SIPA1L1: variants seen among roughly 807,000 people sequenced by gnomAD.
SIPA1L1 encodes the protein signal induced proliferation associated 1 like 1.
SIPA1L1 carries 26 observed loss-of-function variants against 162.7 expected under a neutral mutation model. The ratio of observed to expected loss-of-function variants is 0.16; its 90% CI spans 0.12 to 0.22. SIPA1L1 has a LOEUF of 0.22. Ranked by LOEUF, SIPA1L1 falls within the 10% of genes least tolerant of loss-of-function variation. The pLI is 1.00. For missense variants in SIPA1L1, 1,874 were observed against 2,241.0 expected, an observed-to-expected ratio of 0.84 and a Z score of 3.31; for synonymous variants, 829 against 837.4, an observed-to-expected ratio of 0.99 and a Z score of 0.17.
intron 4 of SIPA1L1, among the ~76,000 whole-genome samples, chr14:71,540,690 T>G (rs1037626382): frequency 1.3e-5 from 2 of 152,090 alleles, no homozygotes. Context: ...CTGACTCTTG[T>G]TAGAACAGAA....
intron 5 of SIPA1L1, among the ~76,000 whole-genome samples, chr14:71,617,470 C>G (rs916490558): frequency 6.6e-6 from 1 of 152,148 alleles, no homozygotes; most frequent in African/African-American, 2.4e-5. Flanking sequence ...ATGTTTGTTG[C>G]TTGTATTCCC....
At chr14:71,419,749 G>A (rs576387807) in intron 2 of SIPA1L1, among the ~76,000 whole-genome samples, 1 of 151,774 alleles carries the variant, frequency 6.6e-6, no homozygotes, top group South Asian at 2.1e-4. Context: ...CACCTGCCTC[G>A]GCCTCCCAAA....
Position 71,441,201 on chromosome 14 carries a change from T to C in SIPA1L1, c.-464-71542T>C, listed in dbSNP as rs924542284. ...TGAATAATGGAATTTCTGCAACTTATTTTACATACACAGCCTCTTAAGTCT... is the reference window on the plus strand; with the variant it reads ...TGAATAATGGAATTTCTGCAACTTACTTTACATACACAGCCTCTTAAGTCT... On this transcript the variant is annotated intron_variant, in intron 2 of 23. Transcript: ENST00000381232. 2.0e-5 allele frequency among the ~76,000 whole-genome samples: 3 copies of C among 152,344 alleles called. No individual in the cohort carries two copies. The South Asian group carries it at 6.2e-4, about 32-fold the overall frequency.
intron 4 of SIPA1L1, among the ~76,000 whole-genome samples, chr14:71,550,665 A>T (rs2055727405): frequency 6.6e-6 from 1 of 152,030 alleles, no homozygotes; most frequent in Non-Finnish European, 1.5e-5. Context: ...TATCCTCTGT[A>T]TGCCTCTCTT....
intron 2 of SIPA1L1, among the ~76,000 whole-genome samples, chr14:71,482,848 A>G (rs1474068735): frequency 6.6e-6 from 1 of 152,158 alleles, no homozygotes; most frequent in Admixed American, 6.6e-5. Flanking sequence ...CCCGTAAGGA[A>G]TTGAGGAATG....
At chr14:71,376,996 A>G (rs2039433918) in intron 2 of SIPA1L1, among the ~76,000 whole-genome samples, 1 of 152,158 alleles carries the variant, frequency 6.6e-6, no homozygotes, top group Non-Finnish European at 1.5e-5. Context: ...CCCCCTTTCT[A>G]TTCGACAAAA....
intron 2 of SIPA1L1, among the ~76,000 whole-genome samples, chr14:71,340,083 C>T (rs187720242): frequency 6.6e-6 from 1 of 152,284 alleles, no homozygotes; most frequent in East Asian, 1.9e-4. Flanking sequence ...TGACCACCAC[C>T]CTGTTAAACT....
At chr14:71,392,300 T>G (rs942282504) in intron 2 of SIPA1L1, among the ~76,000 whole-genome samples, 3 of 152,198 alleles carry the variant, frequency 2.0e-5, no homozygotes, top group African/African-American at 7.2e-5. Context: ...GATCGCTTTC[T>G]TCTCACTCGC....
At chr14:71,355,776 G>T (rs1040633711) in intron 2 of SIPA1L1, among the ~76,000 whole-genome samples, 8 of 152,300 alleles carry the variant, frequency 5.3e-5, no homozygotes, top group African/African-American at 7.2e-5. Context: ...TTGAAACAAA[G>T]AATTCTTGGC....
At chr14:71,717,156 C>T (rs1222319159) in intron 17 of SIPA1L1, among the ~76,000 whole-genome samples, 2 of 152,186 alleles carry the variant, frequency 1.3e-5, no homozygotes, top group African/African-American at 4.8e-5. Flanking sequence ...CCTCGGCCTC[C>T]CAAAGTGCTG....
intron 13 of SIPA1L1, among the ~76,000 whole-genome samples, chr14:71,686,687 C>T (rs1382033690): frequency 1.3e-5 from 2 of 152,198 alleles, no homozygotes; most frequent in Middle Eastern, 3.4e-3. Context: ...GGGATTACAG[C>T]GTGAGCCACC....
intron 2 of SIPA1L1, chr14:71,448,684 T>A (rs1467196326): frequency 1.9e-5 from 2 of 103,328 alleles, no homozygotes; most frequent in African/African-American, 4.5e-5. Flanking sequence ...CAAGTCTAAT[T>A]GTAAGCCGGG....
At chr14:71,624,359 C>A in intron 7 of SIPA1L1, 123 bp downstream of exon 7, 1 of 800,310 alleles carries the variant, frequency 1.2e-6, no homozygotes, top group Non-Finnish European at 1.8e-6. Flanking sequence ...GAAAGACACT[C>A]TCTTTGCAAT....
intron 8 of SIPA1L1, among the ~76,000 whole-genome samples, chr14:71,655,442 G>T (rs1207751523): frequency 6.6e-6 from 1 of 152,072 alleles, no homozygotes; most frequent in African/African-American, 2.4e-5. Flanking sequence ...ATTAGTGCAG[G>T]TGCCATTTGA....
At chr14:71,595,671 C>A (rs1409607466) in intron 5 of SIPA1L1, among the ~76,000 whole-genome samples, 8 of 152,216 alleles carry the variant, frequency 5.3e-5, no homozygotes, top group Admixed American at 3.3e-4. Context: ...TTCTCACCAG[C>A]TGTTAATCTG....
chr14:71,671,666 A>T lies in SIPA1L1; in HGVS notation c.2803A>T (p.Ile935Phe). The change falls in exon 11 of 24, where the codon ATC becomes TTC. Residue 935 changes from isoleucine to phenylalanine, a missense_variant. By Grantham distance (21) the Ile-to-Phe change is conservative (BLOSUM62 0). Transcript: ENST00000381232. ...SVGSFINIEE[I>F]KEIVKRLQFV... ...GGGTAGTTTTATTAACATTGAGGAG[A>T]TCAAAGAGATTGTCAAAAGGTTGCA... The T allele has an allele frequency of 1.2e-6, 2 of 1,602,780 alleles. No homozygotes were observed. Among genetic ancestry groups the T allele is most frequent in the Non-Finnish European group, 8.5e-7 (1 of 1,175,394 alleles).
intron 2 of SIPA1L1, among the ~76,000 whole-genome samples, chr14:71,417,528 T>C (rs1342549119): frequency 2.1e-5 from 2 of 95,454 alleles, no homozygotes; most frequent in South Asian, 3.3e-4. Context: ...AGAGAAAATA[T>C]ATTTGCTATT....
At chr14:71,531,753 C>T (rs902363147) in intron 4 of SIPA1L1, among the ~76,000 whole-genome samples, 4 of 151,714 alleles carry the variant, frequency 2.6e-5, no homozygotes, top group East Asian at 3.9e-4. Context: ...ATTTTTTGTC[C>T]GCCTCAGCCT....
Position 71,409,704 on chromosome 14 carries a change from G to A in SIPA1L1, c.-465+88523G>A, listed in dbSNP as rs534472964. Among the ~76,000 whole-genome samples, 6 of 152,274 alleles carry A rather than the reference G, an allele frequency of 3.9e-5. No homozygotes were observed. The South Asian group carries it at 1.2e-3, about 32-fold the overall frequency. On this transcript the variant is annotated intron_variant, in intron 2 of 23. Coordinates refer to ENST00000381232, the MANE Select transcript of SIPA1L1 (RefSeq NM_001386936.1). ...TGTAGTTTTGTAGGAGAATGCCCTTGTTTATAGAAATTACTCACTAAACTC... is the reference window on the plus strand; with the variant it reads ...TGTAGTTTTGTAGGAGAATGCCCTTATTTATAGAAATTACTCACTAAACTC...
Sources: gnomAD v4.1 joint callset for allele counts (sites outside exome capture counted in the v4.1 genomes callset) on GRCh38, gnomAD v4.1.1 for gene constraint, MANE v1.5 for transcripts, NCBI Gene and HGNC (gene_info 2026-07-23, HGNC 2026-07-21) for gene names.